The following WDTC1 variants were observed in gnomAD, a reference collection of about 807,000 sequenced individuals.
WDTC1 encodes WD and tetratricopeptide repeats 1.
A neutral mutation model predicts 76.0 loss-of-function variants in WDTC1; 12 were observed. That is an observed-to-expected ratio of 0.16 (90% CI 0.10 to 0.26). The LOEUF (loss-of-function observed/expected upper bound fraction) is 0.26. Ranked by LOEUF, WDTC1 falls within the 10% of genes least tolerant of loss-of-function variation. The pLI, the probability that WDTC1 is intolerant of heterozygous loss-of-function variation, is 1.00. For synonymous variants in WDTC1, 326 were observed against 350.8 expected (o/e 0.93, Z 0.79); for missense variants, 511 against 908.8 (o/e 0.56, Z 5.63).
In WDTC1 at chr1:27,305,582, A is replaced by C. The variant is rs1334525606; in HGVS notation, c.1836+389A>C. Among the ~76,000 whole-genome samples the C allele has an allele frequency of 6.6e-6, 1 of 152,174 alleles. No homozygotes were observed. Among genetic ancestry groups the C allele is most frequent in the East Asian group, 1.9e-4 (1 of 5,188 alleles). ...GAGAAGTAAAGAAGAGATGCCTGTG[A>C]AGTGTCCAGCCCACAAGGACACTTA... On this transcript the variant is annotated intron_variant, in intron 15 of 15. Transcript: ENST00000319394. This position sits in a 1 kb window ranked among gnomAD's most constrained non-coding sequence, Gnocchi z 4.6.
Position 27,269,910 on chromosome 1 carries a change from TTTGTTGTTG to T in WDTC1, c.132+6708_132+6716del, listed in dbSNP as rs151248965. On this transcript the variant is annotated intron_variant, in intron 3 of 15. Transcript: ENST00000319394. ...CAGGCATGAGCCACCACGCCCGGCC[TTTGTTGTTG>T]TTGTTGTTGTTGTTGTTGTTGTTGT... Among the ~76,000 whole-genome samples, 146 of 146,478 alleles carry T rather than the reference TTTGTTGTTG, an allele frequency of 1.0e-3. 1 individual carries two copies. The highest frequency in any genetic ancestry group is 3.4e-3 in the Middle Eastern group (1 of 292).
intron 1 of WDTC1, among the ~76,000 whole-genome samples, chr1:27,239,821 A>C (rs1202956284): frequency 2.6e-5 from 4 of 151,036 alleles, no homozygotes; most frequent in Admixed American, 1.3e-4. Context: ...AAAAAAAAAA[A>C]AAAAACCAAA....
chr1:27,255,858 C>T (rs2012260558), intron 1 of WDTC1, among the ~76,000 whole-genome samples: 1 of 152,134 alleles, frequency 6.6e-6, no homozygotes, highest in South Asian at 2.1e-4. Context: ...CGTGAACCAC[C>T]ACACCCGGCC....
At position 27,261,221 on chromosome 1, in the gene WDTC1, T is replaced by G. The variant is rs571066308; in HGVS notation, c.48+119T>G. On this transcript the variant is annotated intron_variant, in intron 2 of 15. Coordinates refer to ENST00000319394, the MANE Select transcript of WDTC1 (RefSeq NM_001276252.2). Reference sequence around the variant, plus strand: ...ACTTGCCTAAAGTCACGTAGCTAGTTAGTGGCAGACCCAGGACTAGAATCA... The same window carrying G: ...ACTTGCCTAAAGTCACGTAGCTAGTGAGTGGCAGACCCAGGACTAGAATCA... The G allele has an allele frequency of 1.0e-3, 1,163 of 1,117,506 alleles. 16 individuals are homozygous for G. In the South Asian group the frequency reaches 0.015, roughly 14 times the overall value. 69.2% of individuals were successfully genotyped at this position (1,117,506 alleles called of 1,614,324 possible).
In WDTC1 at chr1:27,306,522, T is replaced by G; in HGVS notation, c.*139T>G. 1 of 1,123,930 alleles carries G rather than the reference T, an allele frequency of 8.9e-7. No homozygotes were observed. Among genetic ancestry groups the G allele is most frequent in the African/African-American group, 1.6e-5 (1 of 63,758 alleles). The allele number at this position is 1,123,930 out of a possible 1,614,324, so 69.6% of individuals were successfully genotyped here. ...CCCTGTTTTGTTTGTTAGTTTGGCG[T>G]TAGGGGTGGAGGTTGCTACAACTTG... On this transcript the variant is annotated 3_prime_UTR_variant, in exon 16 of 16. Coordinates refer to ENST00000319394, the MANE Select transcript of WDTC1 (RefSeq NM_001276252.2). This position sits in a 1 kb window ranked among gnomAD's most constrained non-coding sequence, Gnocchi z 5.0.
At chr1:27,293,195 G>A (rs2013584531) in intron 7 of WDTC1, among the ~76,000 whole-genome samples, 2 of 151,576 alleles carry the variant, frequency 1.3e-5, no homozygotes, top group African/African-American at 4.8e-5. Flanking sequence ...CACTTTGGGA[G>A]GCCGAGGCAG....
At chr1:27,277,182 AC>A (rs1260195984) in intron 3 of WDTC1, among the ~76,000 whole-genome samples, 5 of 152,066 alleles carry the variant, frequency 3.3e-5, no homozygotes, top group African/African-American at 1.2e-4. Flanking sequence ...GCAGGCGCAC[AC>A]CACCATGCCC....
chr1:27,234,644 G>T lies in WDTC1; in HGVS notation c.-407G>T. On this transcript the variant is annotated 5_prime_UTR_variant, in exon 1 of 16. Coordinates refer to ENST00000319394, the MANE Select transcript of WDTC1 (RefSeq NM_001276252.2). The stretch of plus-strand genomic sequence containing the variant: ...CAGGCGCGTTGCTGGGCTTCTCCTG[G>T]GTCCCCAGACAGCTGGAGGAGATAA... 1 of 395,324 alleles carries T rather than the reference G, an allele frequency of 2.5e-6. No individual in the cohort carries two copies. The allele number at this position is 395,324 out of a possible 1,614,324, so 24.5% of individuals were successfully genotyped here. A position where few individuals can be genotyped will look rare whatever the true frequency, so the allele number is the denominator to read the frequency against.
chr1:27,294,310 G>A (rs559994662), intron 8 of WDTC1, among the ~76,000 whole-genome samples, 194 bp downstream of exon 8: 46 of 152,086 alleles, frequency 3.0e-4, no homozygotes, highest in Non-Finnish European at 5.3e-4. Context: ...AACTCATCAA[G>A]GTTAAGTAAA....
intron 7 of WDTC1, 63 bp downstream of exon 7, chr1:27,292,460 C>A: frequency 7.1e-7 from 1 of 1,410,316 alleles, no homozygotes; most frequent in Non-Finnish European, 9.4e-7. Flanking sequence ...CTGCCCCTTT[C>A]CCTCACTGCC....
Position 27,294,094 on chromosome 1 carries a change from T to C in WDTC1, c.735T>C (p.Gly245=). Residue 245 remains glycine, a synonymous_variant, in exon 8 of 16, where the codon GGT becomes GGC. Coordinates refer to ENST00000319394, the MANE Select transcript of WDTC1 (RefSeq NM_001276252.2). ...ACCGGCAGAAACCCCTTCCGGACGG[T>C]GCAGCCCAGTATTACGTAGCAGGTA... ...FCDRQKPLPD[G]AAQYYVAGHL... is the part of the protein sequence containing the mutation. 1 of 1,614,096 alleles carries C rather than the reference T, an allele frequency of 6.2e-7. No homozygotes were observed. Among genetic ancestry groups the C allele is most frequent in the Non-Finnish European group, 8.5e-7 (1 of 1,180,022 alleles).
At chr1:27,248,840 T>C (rs1483321660) in intron 1 of WDTC1, among the ~76,000 whole-genome samples, 1 of 151,966 alleles carries the variant, frequency 6.6e-6, no homozygotes, top group Non-Finnish European at 1.5e-5. Context: ...TAACTTTTTT[T>C]AGAGACAGGG....
At chr1:27,236,696 A>G (rs1386369038) in intron 1 of WDTC1, among the ~76,000 whole-genome samples, 2 of 152,168 alleles carry the variant, frequency 1.3e-5, no homozygotes, top group Non-Finnish European at 2.9e-5. Context: ...GCACACCTAG[A>G]CTTTAGGATC....
intron 3 of WDTC1, among the ~76,000 whole-genome samples, chr1:27,279,826 A>G (rs2013140462): frequency 6.6e-6 from 1 of 152,188 alleles, no homozygotes; most frequent in South Asian, 2.1e-4. Context: ...CTAGCCTCCC[A>G]AAGTGCTGAG....
rs2013822430 is a variant in WDTC1 at position 27,301,164 on chromosome 1, A to G, written c.1233-62A>G. 1.3e-6 allele frequency: 2 copies of G among 1,510,238 alleles called. No homozygotes were observed. Among genetic ancestry groups the G allele is most frequent in the South Asian group, 2.3e-5 (2 of 87,328 alleles). The allele number at this position is 1,510,238 out of a possible 1,614,324, so 93.6% of individuals were successfully genotyped here. On this transcript the variant is annotated intron_variant, in intron 12 of 15. Transcript: ENST00000319394. This position sits in a 1 kb window ranked among gnomAD's most constrained non-coding sequence, Gnocchi z 5.8. ...TGGCCACAGGAAGCAGAGGAGACTG[A>G]ATGGGGACCCCTTGCTTGCCACGTG...
At chr1:27,288,973 C>CA in intron 6 of WDTC1, among the ~76,000 whole-genome samples, 3 of 89,018 alleles carry the variant, frequency 3.4e-5, no homozygotes, top group African/African-American at 6.9e-5. Context: ...GCTGGCCGGG[C>CA]GGGGGGCTGA....
intron 1 of WDTC1, among the ~76,000 whole-genome samples, chr1:27,239,763 C>A (rs1570932845): frequency 8.2e-6 from 1 of 121,320 alleles, no homozygotes; most frequent in African/African-American, 3.2e-5. Flanking sequence ...TGCAGTGAGC[C>A]AAGATCGTGT....
chr1:27,247,367 T>C (rs868036486), intron 1 of WDTC1, among the ~76,000 whole-genome samples: 2 of 151,766 alleles, frequency 1.3e-5, no homozygotes, highest in African/African-American at 4.8e-5. Flanking sequence ...TTGTGCAGGT[T>C]TTTTATACAG....
At chr1:27,297,024 C>A in intron 10 of WDTC1, 24 bp from the exon 11 acceptor site, 1 of 1,610,694 alleles carries the variant, frequency 6.2e-7, no homozygotes, top group South Asian at 1.1e-5. Context: ...TTGTTGCTGT[C>A]ACTTTCTCAC....
Sources: gnomAD v4.1 joint callset for allele counts (sites outside exome capture counted in the v4.1 genomes callset) on GRCh38, gnomAD v4.1.1 for gene constraint, Gnocchi (gnomAD v3.1) non-coding constraint, MANE v1.5 for transcripts, NCBI Gene and HGNC (gene_info 2026-07-23, HGNC 2026-07-21) for gene names.